FBXL4: variants seen among roughly 807,000 people sequenced by gnomAD.
FBXL4 encodes the protein F-box/LRR-repeat protein 4.
A neutral mutation model predicts 58.9 loss-of-function variants in FBXL4; 40 were observed. That is an observed-to-expected ratio of 0.68 (90% confidence interval 0.53 to 0.88). FBXL4 has a LOEUF of 0.88. Ranked by LOEUF, FBXL4 falls within the 40% of genes least tolerant of loss-of-function variation. FBXL4 has a pLI of 0.00. For synonymous variants in FBXL4, 263 were observed against 265.5 expected (o/e 0.99, Z 0.09); for missense variants, 676 against 734.4 (o/e 0.92, Z 0.92).
At chr6:98,940,271 A>G (rs1773386088) in intron 1 of FBXL4, among the ~76,000 whole-genome samples, 2 of 152,110 alleles carry the variant, frequency 1.3e-5, no homozygotes, top group Admixed American at 6.5e-5. Flanking sequence ...ATATTTATTG[A>G]AAAAAACTGC....
At chr6:98,897,264 G>A in intron 7 of FBXL4, 2 of 985,254 alleles carry the variant, frequency 2.0e-6, no homozygotes, top group Non-Finnish European at 2.4e-6. Context: ...CATAATTTCA[G>A]AATGAACAGT....
chr6:98,906,404 G>A (rs530946063), intron 5 of FBXL4, among the ~76,000 whole-genome samples: 3 of 148,970 alleles, frequency 2.0e-5, no homozygotes, highest in South Asian at 4.3e-4. Context: ...TCCCACTTAT[G>A]AGTGAGAACA....
At chr6:98,919,801 G>A (rs1772508979) in intron 4 of FBXL4, among the ~76,000 whole-genome samples, 1 of 152,160 alleles carries the variant, frequency 6.6e-6, no homozygotes, top group African/African-American at 2.4e-5. Context: ...AAGAATCACA[G>A]AGTAAATTAT....
intron 1 of FBXL4, among the ~76,000 whole-genome samples, chr6:98,947,601 G>A (rs1367535828): frequency 6.6e-6 from 1 of 152,188 alleles, no homozygotes; most frequent in Non-Finnish European, 1.5e-5. Context: ...CAGTTCTCAA[G>A]GGCCCCAGCA....
At chr6:98,935,672 C>A (rs1773186855) in intron 1 of FBXL4, among the ~76,000 whole-genome samples, 2 of 150,902 alleles carry the variant, frequency 1.3e-5, no homozygotes, top group African/African-American at 4.9e-5. Flanking sequence ...GCCTGTAGTC[C>A]CAGCTACTCG....
chr6:98,943,485 A>G (rs1160233157), intron 1 of FBXL4, among the ~76,000 whole-genome samples: 1 of 150,172 alleles, frequency 6.7e-6, no homozygotes, highest in Non-Finnish European at 1.5e-5. Flanking sequence ...AGGCAGGAGG[A>G]TCACTTAAGT....
chr6:98,919,152 A>T (rs536693277), intron 4 of FBXL4, among the ~76,000 whole-genome samples: 23 of 152,278 alleles, frequency 1.5e-4, no homozygotes, highest in African/African-American at 5.5e-4. Flanking sequence ...GAAGGGACCA[A>T]GAAAAGCATA....
intron 4 of FBXL4, among the ~76,000 whole-genome samples, chr6:98,925,495 C>G (rs541091670): frequency 6.6e-6 from 1 of 152,330 alleles, no homozygotes; most frequent in African/African-American, 2.4e-5. Flanking sequence ...CACAGATATA[C>G]TTGCACACAT....
At position 98,875,704 on chromosome 6, in the gene FBXL4, A is replaced by G; in HGVS notation, c.1413T>C (p.Ala471=). 3.1e-6 allele frequency: 5 copies of G among 1,613,676 alleles called. No homozygotes were observed. Among genetic ancestry groups the G allele is most frequent in the Non-Finnish European group, 4.2e-6 (5 of 1,179,958 alleles). The change falls in exon 9 of 10, where the codon GCT becomes GCC. Residue 471 remains alanine (A), a synonymous_variant. Transcript: ENST00000369244. The part of the protein sequence containing the change: ...CVMIEDYDVI[A]SMIGAKCKKL... ...TTTTACACTTGGCTCCTATCATGCTAGCTATCACATCATAGTCTTCAATCT... is the reference window on the plus strand; with the variant it reads ...TTTTACACTTGGCTCCTATCATGCTGGCTATCACATCATAGTCTTCAATCT...
intron 5 of FBXL4, among the ~76,000 whole-genome samples, chr6:98,910,108 A>AAT (rs1409682432): frequency 4.6e-5 from 7 of 152,162 alleles, no homozygotes; most frequent in Non-Finnish European, 1.0e-4. Context: ...TGAGTCTATA[A>AAT]AGTTTCCTTA....
chr6:98,939,720 C>T (rs1048509449), intron 1 of FBXL4, among the ~76,000 whole-genome samples: 1 of 152,248 alleles, frequency 6.6e-6, no homozygotes, highest in Non-Finnish European at 1.5e-5. Context: ...CTTGGAATCA[C>T]TTCCGACATT....
At chr6:98,935,068 T>C (rs1311626967) in intron 1 of FBXL4, among the ~76,000 whole-genome samples, 189 bp from the exon 2 acceptor site, 1 of 152,188 alleles carries the variant, frequency 6.6e-6, no homozygotes, top group African/African-American at 2.4e-5. Context: ...AGAAGTCAAG[T>C]AGGAATGAAT....
In FBXL4 at chr6:98,921,443, C is replaced by A. The variant is rs1010342049; in HGVS notation, c.513-3724G>T. 2.6e-5 allele frequency among the ~76,000 whole-genome samples: 4 copies of A among 151,176 alleles called. No individual in the cohort carries two copies. In the East Asian group the frequency reaches 7.7e-4, roughly 29 times the overall value. On this transcript the variant is annotated intron_variant, in intron 4 of 9. Transcript: ENST00000369244. ...CCAGCAAAGAAAGTTATCTTGCCAA[C>A]CCTGTTCCATTTCACTAGCTGAAAG...
At chr6:98,947,259 A>G (rs1435035337) in intron 1 of FBXL4, among the ~76,000 whole-genome samples, 3 of 152,264 alleles carry the variant, frequency 2.0e-5, no homozygotes, top group Non-Finnish European at 4.4e-5. Flanking sequence ...GGCCAAGTAG[A>G]TGGTCATCAT....
At chr6:98,941,909 A>C (rs976450575) in intron 1 of FBXL4, among the ~76,000 whole-genome samples, 7 of 152,166 alleles carry the variant, frequency 4.6e-5, no homozygotes, top group African/African-American at 1.7e-4. Context: ...TATAGGATCC[A>C]TGAAATAAGC....
intron 8 of FBXL4, among the ~76,000 whole-genome samples, chr6:98,877,846 C>T (rs560013767): frequency 1.2e-4 from 18 of 152,182 alleles, no homozygotes; most frequent in African/African-American, 4.3e-4. Flanking sequence ...TTTTTAAAGT[C>T]ATTTTTAGAA....
At chr6:98,920,360 G>A (rs1001221718) in intron 4 of FBXL4, among the ~76,000 whole-genome samples, 6 of 151,556 alleles carry the variant, frequency 4.0e-5, no homozygotes, top group Admixed American at 2.6e-4. Context: ...CTTCTATATC[G>A]CATAAAGATT....
intron 4 of FBXL4, among the ~76,000 whole-genome samples, chr6:98,918,180 T>C (rs1772442669): frequency 6.6e-6 from 1 of 152,200 alleles, no homozygotes; most frequent in Admixed American, 6.6e-5. Flanking sequence ...TTTCATATTA[T>C]CTTTTTCTCT....
At chr6:98,909,271 C>G (rs115476777) in intron 5 of FBXL4, among the ~76,000 whole-genome samples, 1 of 152,130 alleles carries the variant, frequency 6.6e-6, no homozygotes, top group East Asian at 1.9e-4. Flanking sequence ...ACCTCTATGA[C>G]GCAGCAGAAT....
Sources: allele counts gnomAD v4.1 joint callset (sites outside exome capture counted in the v4.1 genomes callset), GRCh38; gene constraint gnomAD v4.1.1; transcripts MANE v1.5; gene names NCBI Gene and HGNC (gene_info 2026-07-23, HGNC 2026-07-21).